The following PLCG2 variants were observed in gnomAD, a reference collection of about 807,000 sequenced individuals.
The protein encoded by PLCG2 is 1-phosphatidylinositol 4,5-bisphosphate phosphodiesterase gamma-2.
In PLCG2, 69 loss-of-function variants were observed where a neutral mutation model predicts 175.6. The observed-to-expected ratio is 0.39, with a 90% confidence interval of 0.32 to 0.48. The LOEUF (loss-of-function observed/expected upper bound fraction) is 0.48, where lower values mean the gene tolerates loss of function less well. Ranked by LOEUF, PLCG2 falls within the 20% of genes least tolerant of loss-of-function variation. The pLI is 0.91. For missense variants in PLCG2, 1,798 were observed against 1,650.9 expected (o/e 1.09, Z -1.54); for synonymous variants, 827 against 624.0 (o/e 1.33, Z -4.85).
At chr16:81,938,431 T>C in intron 28 of PLCG2, 1 of 253,962 alleles carries the variant, frequency 3.9e-6, no homozygotes, top group Non-Finnish European at 7.6e-6. Flanking sequence ...TAAACAGCAG[T>C]TATAAAAAGA....
upstream of PLCG2, among the ~76,000 whole-genome samples, chr16:81,779,029 G>A (rs2143140317): frequency 6.6e-6 from 1 of 152,266 alleles, no homozygotes; most frequent in South Asian, 2.1e-4. Context: ...ATGATATTGG[G>A]GAATTCCCTT....
intron 2 of PLCG2, among the ~76,000 whole-genome samples, chr16:81,841,009 C>T (rs1905796789): frequency 6.6e-6 from 1 of 152,134 alleles, no homozygotes; most frequent in Non-Finnish European, 1.5e-5. Flanking sequence ...AATAGTTCTG[C>T]ATGAATATGA....
At chr16:81,903,809 C>A (rs980676897) in intron 14 of PLCG2, among the ~76,000 whole-genome samples, 1 of 152,144 alleles carries the variant, frequency 6.6e-6, no homozygotes, top group African/African-American at 2.4e-5. Context: ...GTTTTCAGCT[C>A]TTGTTCTAAG....
chr16:81,863,346 A>C (rs1318642437), intron 5 of PLCG2, among the ~76,000 whole-genome samples: 2 of 152,216 alleles, frequency 1.3e-5, no homozygotes, highest in Non-Finnish European at 2.9e-5. Context: ...TAATGTCTCC[A>C]AGTTTCATCT....
intron 1 of PLCG2, among the ~76,000 whole-genome samples, chr16:81,747,973 C>G (rs1567692245): frequency 6.6e-6 from 1 of 152,090 alleles, no homozygotes; most frequent in Non-Finnish European, 1.5e-5. Flanking sequence ...GTCCCAGGTT[C>G]AAGTGATTCT....
intron 2 of PLCG2, among the ~76,000 whole-genome samples, chr16:81,828,577 TCTTC>T (rs1905138259): frequency 1.3e-5 from 2 of 152,172 alleles, no homozygotes; most frequent in African/African-American, 4.8e-5. Context: ...GTGTGGTGCC[TCTTC>T]CTTTGCTTTT....
intron 12 of PLCG2, among the ~76,000 whole-genome samples, chr16:81,894,839 C>T (rs761241468): frequency 1.5e-4 from 23 of 151,592 alleles, no homozygotes; most frequent in Non-Finnish European, 2.9e-4. Flanking sequence ...CGCCGCTGCA[C>T]GCCAGCCTGG....
chr16:81,829,399 G>C (rs946493845), intron 2 of PLCG2, among the ~76,000 whole-genome samples: 1 of 152,106 alleles, frequency 6.6e-6, no homozygotes, highest in Non-Finnish European at 1.5e-5. Flanking sequence ...GTGAGCCACC[G>C]TGCCTAGCCA....
intron 2 of PLCG2, among the ~76,000 whole-genome samples, chr16:81,802,511 G>T (rs992853282): frequency 5.9e-5 from 9 of 152,148 alleles, no homozygotes; most frequent in Admixed American, 2.0e-4. Context: ...ATGTGTAACT[G>T]CTACCTTGAC....
chr16:81,847,587 G>A (rs531159781), intron 2 of PLCG2, among the ~76,000 whole-genome samples: 21 of 152,202 alleles, frequency 1.4e-4, no homozygotes, highest in African/African-American at 5.1e-4. Context: ...CAGAAAATGG[G>A]GTTGGAGACC....
At chr16:81,747,009 C>A (rs1389220891) in intron 1 of PLCG2, among the ~76,000 whole-genome samples, 1 of 152,180 alleles carries the variant, frequency 6.6e-6, no homozygotes, top group Admixed American at 6.5e-5. Context: ...ACACCAACCA[C>A]CTTGCTAGCC....
At chr16:81,935,183 C>A (rs551111481) in intron 26 of PLCG2, among the ~76,000 whole-genome samples, 3 of 152,178 alleles carry the variant, frequency 2.0e-5, no homozygotes, top group Non-Finnish European at 4.4e-5. Flanking sequence ...CAGGGCTGTG[C>A]TCCCTCCGGA....
intron 2 of PLCG2, among the ~76,000 whole-genome samples, chr16:81,795,381 G>A (rs924057276): frequency 6.6e-6 from 1 of 152,172 alleles, no homozygotes; most frequent in Non-Finnish European, 1.5e-5. Context: ...AAGCTCTGTG[G>A]GGAGAGCATT....
At position 81,834,488 on chromosome 16, in the gene PLCG2, A is replaced by G. The variant is rs541110708; in HGVS notation, c.194-19956A>G. 9.1e-4 allele frequency among the ~76,000 whole-genome samples: 138 copies of G among 152,184 alleles called. 1 individual carries two copies. The highest frequency in any genetic ancestry group is 3.1e-3 in the African/African-American group (128 of 41,542). ...GAGCCTCAGTTTCCCCTTCTGCAAAATGGAGTTGATGATAATGGTAGTTAC... is the reference window on the plus strand; with the variant it reads ...GAGCCTCAGTTTCCCCTTCTGCAAAGTGGAGTTGATGATAATGGTAGTTAC... On this transcript the variant is annotated intron_variant, in intron 2 of 32. Coordinates refer to ENST00000564138, the MANE Select transcript of PLCG2 (RefSeq NM_002661.5).
intron 1 of PLCG2, among the ~76,000 whole-genome samples, chr16:81,741,276 T>C (rs1448587314): frequency 6.6e-6 from 1 of 152,222 alleles, no homozygotes; most frequent in Non-Finnish European, 1.5e-5. Context: ...TTAGTTGTAT[T>C]TTACAGATGA....
chr16:81,901,061 A>G lies in PLCG2; in HGVS notation c.1362+281A>G, dbSNP rs184736226. Among the ~76,000 whole-genome samples the G allele has an allele frequency of 9.6e-4, 147 of 152,364 alleles. 1 individual carries two copies. The highest frequency in any genetic ancestry group is 3.3e-3 in the African/African-American group (139 of 41,594). ...AGGGAAGGCGTGCAGAATGCGTGCAACTGCGCCTGTCATGTGGTTGGTGCT... is the reference window on the plus strand; with the variant it reads ...AGGGAAGGCGTGCAGAATGCGTGCAGCTGCGCCTGTCATGTGGTTGGTGCT... On this transcript the variant is annotated intron_variant, in intron 14 of 32. Transcript: ENST00000564138.
chr16:81,858,179 C>T (rs1010324005), intron 3 of PLCG2, 84 bp from the exon 4 acceptor site: 24 of 942,228 alleles, frequency 2.5e-5, no homozygotes, highest in Middle Eastern at 2.6e-4. Context: ...CTCCCATCTT[C>T]GTGATCTGTA....
chr16:81,871,530 GT>G (rs1185119078), intron 7 of PLCG2, among the ~76,000 whole-genome samples: 2 of 152,088 alleles, frequency 1.3e-5, no homozygotes, highest in Non-Finnish European at 2.9e-5. Context: ...TAGAGATGGG[GT>G]TTTGCCGCAT....
At chr16:81,867,463 G>C (rs948470006) in intron 5 of PLCG2, among the ~76,000 whole-genome samples, 1 of 152,190 alleles carries the variant, frequency 6.6e-6, no homozygotes, top group African/African-American at 2.4e-5. Flanking sequence ...GGCTAGCACA[G>C]ATAAGGTACC....
Sources: allele counts gnomAD v4.1 joint callset (sites outside exome capture counted in the v4.1 genomes callset), GRCh38; gene constraint gnomAD v4.1.1; transcripts MANE v1.5; gene names NCBI Gene and HGNC (gene_info 2026-07-23, HGNC 2026-07-21).